The following ERC2 variants were observed in gnomAD, a reference collection of about 807,000 sequenced individuals.
ERC2 encodes ELKS/RAB6-interacting/CAST family member 2, also known as ERC protein 2.
In ERC2, 42 loss-of-function variants were observed where a neutral mutation model predicts 114.8. The observed-to-expected ratio is 0.37, with a 90% confidence interval of 0.29 to 0.47. The LOEUF is 0.47. ERC2 is among the 20% of genes least tolerant of loss of function. The pLI is 0.99. For missense variants in ERC2, 939 were observed against 1,150.7 expected (o/e 0.82, Z 2.66); for synonymous variants, 454 against 425.5 (o/e 1.07, Z -0.82).
In ERC2 at chr3:56,081,127, C is replaced by T. The variant is rs2077208375; in HGVS notation, c.1474-143G>A. On this transcript the variant is annotated intron_variant, in intron 6 of 17. Transcript: ENST00000288221. ...ACCACTGCTCATGGCACCTCACTGC[C>T]CTGCATTTTAACAGCCTACATCCTT... 11 of 797,306 alleles carry T rather than the reference C, an allele frequency of 1.4e-5. No homozygotes were observed. The South Asian group carries it at 2.2e-4, about 16-fold the overall frequency. The allele number at this position is 797,306 out of a possible 1,614,324, so 49.4% of individuals were successfully genotyped here. A position where few individuals can be genotyped will look rare whatever the true frequency, so the allele number is the denominator to read the frequency against.
At chr3:55,661,375 A>G (rs1225657627) in intron 17 of ERC2, among the ~76,000 whole-genome samples, 1 of 152,146 alleles carries the variant, frequency 6.6e-6, no homozygotes, top group Non-Finnish European at 1.5e-5. Flanking sequence ...GCTAAGCATC[A>G]TTCTCAGCTT....
intron 2 of ERC2, among the ~76,000 whole-genome samples, chr3:56,324,906 T>A (rs141307170): frequency 1.7e-4 from 26 of 151,588 alleles, no homozygotes; most frequent in Admixed American, 5.3e-4. Flanking sequence ...TTCCCTCTGC[T>A]TGGAATGCTC....
chr3:55,637,139 C>A (rs1465432780), intron 17 of ERC2, among the ~76,000 whole-genome samples: 3 of 152,220 alleles, frequency 2.0e-5, no homozygotes, highest in African/African-American at 4.8e-5. Context: ...GAGGCCCTGA[C>A]AGGACAAAGG....
intron 14 of ERC2, among the ~76,000 whole-genome samples, chr3:55,762,739 C>T (rs1041676009): frequency 6.6e-6 from 1 of 152,076 alleles, no homozygotes; most frequent in African/African-American, 2.4e-5. Context: ...GGCAAAAAAG[C>T]AGAGTCAAAC....
chr3:55,842,725 C>T (rs1029871427), intron 14 of ERC2, among the ~76,000 whole-genome samples: 1 of 151,322 alleles, frequency 6.6e-6, no homozygotes, highest in African/African-American at 2.4e-5. Flanking sequence ...AAAAAAAGAA[C>T]AATTTTTGTT....
chr3:55,696,953 G>A (rs548137874), intron 16 of ERC2, among the ~76,000 whole-genome samples: 1 of 152,254 alleles, frequency 6.6e-6, no homozygotes, highest in Admixed American at 6.5e-5. Context: ...ATATCCTTGT[G>A]GTCAAGGGTA....
intron 2 of ERC2, among the ~76,000 whole-genome samples, chr3:56,328,105 A>G (rs1206201376): frequency 2.0e-5 from 3 of 152,222 alleles, no homozygotes; most frequent in Non-Finnish European, 2.9e-5. Flanking sequence ...TGGGGCAGAA[A>G]TAAAGTGCTA....
At chr3:56,349,954 C>T (rs1014611126) in intron 2 of ERC2, among the ~76,000 whole-genome samples, 2 of 151,792 alleles carry the variant, frequency 1.3e-5, no homozygotes, top group East Asian at 3.9e-4. Context: ...CTATCAGGTA[C>T]TATGCTTATT....
chr3:56,013,643 C>T (rs765397383), intron 8 of ERC2, among the ~76,000 whole-genome samples: 29 of 152,118 alleles, frequency 1.9e-4, no homozygotes, highest in Non-Finnish European at 2.4e-4. Context: ...GGGGATGATG[C>T]TGTACATGTC....
At chr3:56,250,107 C>A (rs2052041530) in intron 3 of ERC2, among the ~76,000 whole-genome samples, 1 of 152,152 alleles carries the variant, frequency 6.6e-6, no homozygotes, top group African/African-American at 2.4e-5. Flanking sequence ...CCACCTGCCT[C>A]CGCCTCCCAA....
intron 13 of ERC2, among the ~76,000 whole-genome samples, chr3:55,913,040 T>A (rs1470130139): frequency 6.6e-6 from 1 of 152,098 alleles, no homozygotes; most frequent in Non-Finnish European, 1.5e-5. Flanking sequence ...GGCTGGAGTA[T>A]AATGGTGTGA....
In ERC2 at chr3:56,336,101, G is replaced by A. The variant is rs549570948; in HGVS notation, c.658-39666C>T. On this transcript the variant is annotated intron_variant, in intron 2 of 17. Coordinates refer to ENST00000288221, the MANE Select transcript of ERC2 (RefSeq NM_015576.3). ...ATACGCAAAAGCCCTGAGGCAAAGAGCAGGGTGTAGTAAATGTACTTAGGG... is the reference window on the plus strand; with the variant it reads ...ATACGCAAAAGCCCTGAGGCAAAGAACAGGGTGTAGTAAATGTACTTAGGG... Among the ~76,000 whole-genome samples, 24 of 152,320 alleles carry A rather than the reference G, an allele frequency of 1.6e-4. No individual in the cohort carries two copies. The South Asian group carries it at 4.6e-3, about 29-fold the overall frequency.
chr3:56,168,751 C>A (rs1383499941), intron 4 of ERC2, among the ~76,000 whole-genome samples: 2 of 152,312 alleles, frequency 1.3e-5, no homozygotes, highest in Non-Finnish European at 1.5e-5. Context: ...TGAAACTTAA[C>A]CCAGCTGCAG....
intron 9 of ERC2, among the ~76,000 whole-genome samples, chr3:56,008,252 G>A (rs2072657093): frequency 6.6e-6 from 1 of 152,092 alleles, no homozygotes; most frequent in Non-Finnish European, 1.5e-5. Flanking sequence ...TTGCTTCATG[G>A]ACACTGGAAT....
At chr3:55,804,039 T>C (rs998979282) in intron 14 of ERC2, among the ~76,000 whole-genome samples, 1 of 152,246 alleles carries the variant, frequency 6.6e-6, no homozygotes, top group Non-Finnish European at 1.5e-5. Flanking sequence ...CTATTTTCTC[T>C]GTATTTAATT....
chr3:55,988,649 G>A (rs2070817506), intron 11 of ERC2, among the ~76,000 whole-genome samples: 1 of 152,162 alleles, frequency 6.6e-6, no homozygotes, highest in Non-Finnish European at 1.5e-5. Flanking sequence ...GAATATTTTA[G>A]AACATTTCCT....
chr3:55,743,325 G>A (rs2066087163), intron 14 of ERC2, among the ~76,000 whole-genome samples: 1 of 152,186 alleles, frequency 6.6e-6, no homozygotes, highest in Admixed American at 6.5e-5. Flanking sequence ...ATGTGCTTCA[G>A]GGCACTAAGA....
intron 4 of ERC2, among the ~76,000 whole-genome samples, chr3:56,155,343 AT>A (rs1489310282): frequency 7.0e-6 from 1 of 142,258 alleles, no homozygotes; most frequent in African/African-American, 2.6e-5. Context: ...TCTCTCTCTT[AT>A]TTTCTGAGTA....
At position 56,117,976 on chromosome 3, in the gene ERC2, C is replaced by G. The variant is rs111373117; in HGVS notation, c.1473+21533G>C. On this transcript the variant is annotated intron_variant, in intron 6 of 17. Transcript: ENST00000288221. The stretch of plus-strand genomic sequence containing the variant: ...GAGGAAATGCAAGGAAGAAGCCACC[C>G]CAGGGAGAGGGAATGGGCCAGCCTG... Among the ~76,000 whole-genome samples the G allele has an allele frequency of 2.5e-3, 384 of 152,252 alleles. 2 individuals carry two copies. Among genetic ancestry groups the G allele is most frequent in the African/African-American group, 8.9e-3 (371 of 41,544 alleles).
Sources: gnomAD v4.1 joint callset for allele counts (sites outside exome capture counted in the v4.1 genomes callset) on GRCh38, gnomAD v4.1.1 for gene constraint, MANE v1.5 for transcripts, NCBI Gene and HGNC (gene_info 2026-07-23, HGNC 2026-07-21) for gene names.